Variants in NOS1AP observed in about 807,000 individuals in gnomAD.
NOS1AP encodes the protein carboxyl-terminal PDZ ligand of neuronal nitric oxide synthase protein.
A neutral mutation model predicts 56.2 loss-of-function variants in NOS1AP; 21 were observed. The ratio of observed to expected loss-of-function variants is 0.37; its 90% CI spans 0.26 to 0.54. NOS1AP has a LOEUF of 0.54. Among genes scored for constraint, NOS1AP ranks in the 20% least tolerant of loss-of-function variants. The probability of loss-of-function intolerance (pLI) is 0.84; values close to 1 mark genes in which losing one functional copy is unlikely to be tolerated. For synonymous variants in NOS1AP, 270 were observed against 274.6 expected (o/e 0.98, Z 0.17); for missense variants, 522 against 657.8 (o/e 0.79, Z 2.26).
At position 162,264,804 on chromosome 1, in the gene NOS1AP, C is replaced by T. The variant is rs185740110; in HGVS notation, c.178-22540C>T. 6.7e-4 allele frequency among the ~76,000 whole-genome samples: 76 copies of T among 114,042 alleles called. No homozygotes were observed. In the East Asian group the frequency reaches 0.015, roughly 22 times the overall value. The allele number at this position is 114,042 out of a possible 152,430, so 74.8% of individuals were successfully genotyped here. ...TTACTCCCAAAGTGTGCGTGAGCCA[C>T]CGCGCCCGACCTTTTTTTTTTTTTT... is the stretch of plus-strand genomic sequence containing the variant. On this transcript the variant is annotated intron_variant, in intron 2 of 9. Coordinates refer to ENST00000361897, the MANE Select transcript of NOS1AP (RefSeq NM_014697.3).
At chr1:162,098,031 C>T (rs1402358808) in intron 1 of NOS1AP, among the ~76,000 whole-genome samples, 1 of 144,774 alleles carries the variant, frequency 6.9e-6, no homozygotes, top group East Asian at 2.0e-4. Context: ...GGCTTTATCT[C>T]TTCATTTATT....
intron 1 of NOS1AP, among the ~76,000 whole-genome samples, chr1:162,115,965 G>A (rs566108964): frequency 2.0e-5 from 3 of 152,276 alleles, no homozygotes; most frequent in South Asian, 2.1e-4. Context: ...GTCCTCTCAC[G>A]ATGTCAAATA....
intron 4 of NOS1AP, among the ~76,000 whole-genome samples, chr1:162,307,633 C>T (rs950405429): frequency 6.6e-5 from 10 of 152,188 alleles, no homozygotes; most frequent in Non-Finnish European, 1.2e-4. Context: ...GAAACCCAGC[C>T]TCTACTAAAA....
chr1:162,114,084 C>T (rs967272230), intron 1 of NOS1AP, among the ~76,000 whole-genome samples: 1 of 152,112 alleles, frequency 6.6e-6, no homozygotes, highest in Non-Finnish European at 1.5e-5. Context: ...TAAGGTGGCA[C>T]AGTGTTTGGA....
chr1:162,239,228 G>A (rs1653402688), intron 2 of NOS1AP, among the ~76,000 whole-genome samples: 1 of 152,178 alleles, frequency 6.6e-6, no homozygotes, highest in Non-Finnish European at 1.5e-5. Flanking sequence ...CATGGCCCCA[G>A]CTGATGTGGG....
At chr1:162,247,702 C>T (rs1276145002) in intron 2 of NOS1AP, among the ~76,000 whole-genome samples, 1 of 151,944 alleles carries the variant, frequency 6.6e-6, no homozygotes, top group African/African-American at 2.4e-5. Context: ...GTCCCCCCCA[C>T]ATTGTCCTCC....
chr1:162,070,307 T>C lies in NOS1AP; in HGVS notation c.105+25T>C, dbSNP rs200353572. 98 of 1,575,664 alleles carry C rather than the reference T, an allele frequency of 6.2e-5. 1 individual carries two copies. Among genetic ancestry groups the C allele is most frequent in the Non-Finnish European group, 8.3e-5 (95 of 1,145,710 alleles). ...GGTGAGGGGGCTCCGGGGAGGGTGC[T>C]ACCTGTGGTGGCGGTTGGGGGGGCA... On this transcript the variant is annotated intron_variant, in intron 1 of 9. Coordinates refer to ENST00000361897, the MANE Select transcript of NOS1AP (RefSeq NM_014697.3).
intron 3 of NOS1AP, among the ~76,000 whole-genome samples, chr1:162,287,695 C>A (rs1171891688): frequency 1.5e-5 from 2 of 131,056 alleles, no homozygotes; most frequent in Non-Finnish European, 1.8e-5. Flanking sequence ...ATGCCTTCAA[C>A]CCCCCTCCCC....
intron 4 of NOS1AP, among the ~76,000 whole-genome samples, chr1:162,319,939 C>G (rs1014197007): frequency 1.3e-5 from 2 of 152,222 alleles, no homozygotes; most frequent in African/African-American, 4.8e-5. Flanking sequence ...CCACCTCCCA[C>G]GTTGTCTTCG....
intron 2 of NOS1AP, among the ~76,000 whole-genome samples, chr1:162,165,147 C>T (rs1162776732): frequency 4.6e-5 from 7 of 152,042 alleles, no homozygotes; most frequent in South Asian, 2.1e-4. Flanking sequence ...CATGGAGAAA[C>T]CCTGTCTCTA....
intron 2 of NOS1AP, among the ~76,000 whole-genome samples, chr1:162,167,910 T>TG (rs1344189752): frequency 6.8e-6 from 1 of 147,154 alleles, no homozygotes; most frequent in African/African-American, 2.6e-5. Flanking sequence ...AGCCATTTCA[T>TG]GGAAAAAAGC....
chr1:162,333,227 G>A (rs1462697495), intron 5 of NOS1AP, 102 bp downstream of exon 5: 19 of 767,692 alleles, frequency 2.5e-5, no homozygotes, highest in African/African-American at 8.6e-5. Context: ...TGGTAATGCC[G>A]ACATGGGGCA....
chr1:162,329,457 T>C (rs1035998896), intron 4 of NOS1AP, among the ~76,000 whole-genome samples: 14 of 152,170 alleles, frequency 9.2e-5, no homozygotes, highest in African/African-American at 3.1e-4. Context: ...TTATATGAAC[T>C]ACTTTGGTAT....
chr1:162,321,396 A>G (rs1406440057), intron 4 of NOS1AP, among the ~76,000 whole-genome samples: 4 of 152,338 alleles, frequency 2.6e-5, no homozygotes, highest in Admixed American at 2.0e-4. Context: ...GCCATAAAAA[A>G]TGATGAGTTC....
chr1:162,361,164 C>T (rs1657892638), intron 8 of NOS1AP, among the ~76,000 whole-genome samples: 1 of 152,162 alleles, frequency 6.6e-6, no homozygotes, highest in African/African-American at 2.4e-5. Context: ...ACATTCATTG[C>T]CAAAGACAAC....
intron 6 of NOS1AP, among the ~76,000 whole-genome samples, chr1:162,352,030 C>A (rs1282676171): frequency 6.6e-6 from 1 of 151,766 alleles, no homozygotes; most frequent in Non-Finnish European, 1.5e-5. Flanking sequence ...AGCTGCTTTT[C>A]AGCATGCTTT....
At chr1:162,095,068 A>G (rs922510068) in intron 1 of NOS1AP, among the ~76,000 whole-genome samples, 1 of 152,210 alleles carries the variant, frequency 6.6e-6, no homozygotes, top group Non-Finnish European at 1.5e-5. Flanking sequence ...CAGTGTGGGC[A>G]ATTGGCAACA....
At chr1:162,351,304 G>GCA (rs1657486676) in intron 6 of NOS1AP, among the ~76,000 whole-genome samples, 1 of 152,250 alleles carries the variant, frequency 6.6e-6, no homozygotes, top group Non-Finnish European at 1.5e-5. Context: ...TTGAGACTGA[G>GCA]CTTGTAACTC....
At chr1:162,310,548 T>A (rs1195120292) in intron 4 of NOS1AP, among the ~76,000 whole-genome samples, 2 of 152,242 alleles carry the variant, frequency 1.3e-5, no homozygotes, top group Admixed American at 1.3e-4. Flanking sequence ...ATGTTTTTAT[T>A]TCCTCCGGCT....
Sources: allele counts gnomAD v4.1 joint callset (sites outside exome capture counted in the v4.1 genomes callset), GRCh38; gene constraint gnomAD v4.1.1; transcripts MANE v1.5; gene names NCBI Gene and HGNC (gene_info 2026-07-23, HGNC 2026-07-21).